The following WDR64 variants were observed in gnomAD, a reference collection of about 807,000 sequenced individuals.
WDR64 encodes the protein WD repeat-containing protein 64.
In WDR64, 112 loss-of-function variants were observed where a neutral mutation model predicts 139.3. The observed-to-expected ratio is 0.80, with a 90% CI of 0.69 to 0.94. The LOEUF is 0.94. Ranked by LOEUF, WDR64 falls within the 40% of genes least tolerant of loss-of-function variation. The pLI is 0.00. For missense variants in WDR64, 1,206 were observed against 1,293.1 expected (o/e 0.93, Z 1.03); for synonymous variants, 444 against 437.7 (o/e 1.01, Z -0.18).
At chr1:241,684,797 G>T (rs979398532) in intron 7 of WDR64, among the ~76,000 whole-genome samples, 1 of 152,016 alleles carries the variant, frequency 6.6e-6, no homozygotes, top group African/African-American at 2.4e-5. Flanking sequence ...TCACTCTGTC[G>T]CCCAGGCTGG....
chr1:241,676,453 T>C (rs2148090434), intron 4 of WDR64: 1 of 152,336 alleles, frequency 6.6e-6, no homozygotes, highest in Admixed American at 6.5e-5. Context: ...TTGATCTTTT[T>C]CTCTTGGTGC....
At chr1:241,789,218 C>A (rs936810215) in intron 24 of WDR64, among the ~76,000 whole-genome samples, 1 of 152,128 alleles carries the variant, frequency 6.6e-6, no homozygotes, top group African/African-American at 2.4e-5. Context: ...TAGCGTAGGA[C>A]ACGTGCTCAT....
chr1:241,666,759 A>G (rs374375081), intron 2 of WDR64, among the ~76,000 whole-genome samples: 9 of 152,184 alleles, frequency 5.9e-5, no homozygotes, highest in Non-Finnish European at 1.3e-4. Context: ...GTACTTGCTA[A>G]TCTTTCTCAT....
At chr1:241,781,805 C>G (rs10802992) in intron 22 of WDR64, among the ~76,000 whole-genome samples, 26,289 of 152,200 alleles carry the variant, frequency 0.17, 2,642 homozygotes, top group African/African-American at 0.26. Flanking sequence ...TATTGATGTA[C>G]ATTTCACATA....
rs1458665554 is a variant in WDR64, at chr1:241,711,984, G to GT, written c.1054+104dup. 8.9e-5 allele frequency: 97 copies of GT among 1,094,434 alleles called. No homozygotes were observed. The African/African-American group carries it at 1.4e-3, about 15-fold the overall frequency. 67.8% of individuals were successfully genotyped at this position (1,094,434 alleles called of 1,614,324 possible). ...AACACATTAGGGAATTTACAAATTT[G>GT]TATCAAGTCAAATCTGTTTGTCTTT... On this transcript the variant is annotated intron_variant, in intron 9 of 27. Transcript: ENST00000437684.
chr1:241,723,315 G>A lies in WDR64; in HGVS notation c.1073G>A (p.Arg358Gln), dbSNP rs147552084. The change falls in exon 10 of 28, where the codon CGG (arginine) becomes CAG (glutamine). Residue 358 changes from arginine to glutamine, a missense_variant. Transcript: ENST00000437684. ...TTTTCAGGAGATGATAAGGTCATCCGGTTGTGGCACCCCAATATCAGCACC... is the reference window on the plus strand; with the variant it reads ...TTTTCAGGAGATGATAAGGTCATCCAGTTGTGGCACCCCAATATCAGCACC... ...IVTGGDDKVIRLWHPNISTKP... is the reference protein window; with the variant it reads ...IVTGGDDKVIQLWHPNISTKP... 4.0e-5 allele frequency: 64 copies of A among 1,613,800 alleles called. No individual in the cohort carries two copies. The highest frequency in any genetic ancestry group is 1.6e-4 in the African/African-American group (12 of 75,004).
intron 21 of WDR64, 148 bp from the exon 22 acceptor site, chr1:241,779,856 G>C: frequency 1.8e-6 from 1 of 560,054 alleles, no homozygotes. Flanking sequence ...AAATAAAAAT[G>C]AATATGAAAT....
At chr1:241,675,783 G>T (rs916357832) in intron 4 of WDR64, among the ~76,000 whole-genome samples, 1 of 152,116 alleles carries the variant, frequency 6.6e-6, no homozygotes, top group Admixed American at 6.5e-5. Flanking sequence ...TTGTAGTGAG[G>T]GTCAAATGAG....
At chr1:241,735,163 A>C (rs1285480784) in intron 10 of WDR64, among the ~76,000 whole-genome samples, 1 of 152,190 alleles carries the variant, frequency 6.6e-6, no homozygotes, top group Non-Finnish European at 1.5e-5. Flanking sequence ...TATTACAATG[A>C]ATATACCCCA....
intron 16 of WDR64, among the ~76,000 whole-genome samples, chr1:241,767,835 A>T (rs1489773989): frequency 1.3e-5 from 2 of 152,098 alleles, no homozygotes; most frequent in African/African-American, 4.8e-5. Context: ...TCTGCACCTC[A>T]GTCCACATAC....
At chr1:241,701,670 T>C (rs1292522770) in intron 8 of WDR64, among the ~76,000 whole-genome samples, 2 of 81,114 alleles carry the variant, frequency 2.5e-5, no homozygotes, top group Non-Finnish European at 4.6e-5. Context: ...ACAGTGGTCA[T>C]TGATCTGTTC....
chr1:241,770,320 T>A, intron 17 of WDR64: 9 of 227,460 alleles, frequency 4.0e-5, no homozygotes, highest in East Asian at 1.9e-4. Flanking sequence ...CCCCTTGCCA[T>A]TTCAGTGTAA....
chr1:241,678,024 A>G (rs555926589), intron 4 of WDR64, among the ~76,000 whole-genome samples, 163 bp from the exon 5 acceptor site: 24 of 152,342 alleles, frequency 1.6e-4, no homozygotes, highest in Non-Finnish European at 2.9e-4. Flanking sequence ...GCATTATTCC[A>G]CAGAGCTAGA....
intron 8 of WDR64, among the ~76,000 whole-genome samples, chr1:241,710,454 C>G (rs577989845): frequency 2.3e-5 from 3 of 132,410 alleles, no homozygotes; most frequent in South Asian, 4.8e-4. Flanking sequence ...CCGAAACATA[C>G]ATATGAATAT....
At chr1:241,655,897 C>T (rs567537461) in intron 1 of WDR64, among the ~76,000 whole-genome samples, 7 of 152,210 alleles carry the variant, frequency 4.6e-5, no homozygotes, top group Non-Finnish European at 7.4e-5. Context: ...TGTGTTCATT[C>T]GTTCCTGCCC....
intron 10 of WDR64, among the ~76,000 whole-genome samples, chr1:241,731,476 A>ATTCTC (rs767760043): frequency 0.16 from 23,942 of 152,238 alleles, 2,211 homozygotes; most frequent in East Asian, 0.28. Context: ...ACTGTGTGAT[A>ATTCTC]ACTACAAGTG....
chr1:241,728,990 A>C (rs531489177), intron 10 of WDR64, among the ~76,000 whole-genome samples: 38 of 152,316 alleles, frequency 2.5e-4, no homozygotes, highest in African/African-American at 8.2e-4. Context: ...ATATCTTCAA[A>C]GGCAGTTATC....
intron 23 of WDR64, among the ~76,000 whole-genome samples, chr1:241,787,601 G>A (rs1484988553): frequency 6.7e-6 from 1 of 149,456 alleles, no homozygotes; most frequent in Non-Finnish European, 1.5e-5. Context: ...GGAGGCAGAG[G>A]TTGCAGTGAG....
At position 241,703,717 on chromosome 1, in the gene WDR64, T is replaced by C. The variant is rs1206297607; in HGVS notation, c.975-8085T>C. The stretch of plus-strand genomic sequence containing the variant: ...ATCCATTTTCACACTGCTATAAAGA[T>C]ACTATCTGAGACTCAATAATTTGTA... On this transcript the variant is annotated intron_variant, in intron 8 of 27. Transcript: ENST00000437684. The surrounding 1 kb of genome is among the most constrained non-coding windows in gnomAD (Gnocchi z 5.9). Among the ~76,000 whole-genome samples the C allele has an allele frequency of 1.3e-5, 2 of 152,172 alleles. No individual in the cohort carries two copies. Among genetic ancestry groups the C allele is most frequent in the African/African-American group, 4.8e-5 (2 of 41,440 alleles).
Sources: allele counts gnomAD v4.1 joint callset (sites outside exome capture counted in the v4.1 genomes callset), GRCh38; gene constraint gnomAD v4.1.1; non-coding constraint Gnocchi (gnomAD v3.1); transcripts MANE v1.5; gene names NCBI Gene and HGNC (gene_info 2026-07-23, HGNC 2026-07-21).